Variants in CCDC50 observed in about 807,000 individuals in gnomAD.
CCDC50 encodes coiled-coil domain-containing protein 50.
A neutral mutation model predicts 70.2 loss-of-function variants in CCDC50; 54 were observed. That is an observed-to-expected ratio of 0.77 (90% CI 0.62 to 0.96). The LOEUF is 0.96. CCDC50 is among the 50% of genes least tolerant of loss of function. CCDC50 has a pLI of 0.00. For synonymous variants in CCDC50, 216 were observed against 198.8 expected, an observed-to-expected ratio of 1.09 and a Z score of -0.73; for missense variants, 558 against 578.7, an observed-to-expected ratio of 0.96 and a Z score of 0.37.
chr3:191,388,733 A>G (rs902306042), intron 10 of CCDC50, among the ~76,000 whole-genome samples: 6 of 152,216 alleles, frequency 3.9e-5, no homozygotes, highest in Non-Finnish European at 8.8e-5. Flanking sequence ...AATGGCCTAC[A>G]GTATGGTTAT....
At chr3:191,330,835 T>TA (rs1030978539) in intron 1 of CCDC50, among the ~76,000 whole-genome samples, 1 of 152,180 alleles carries the variant, frequency 6.6e-6, no homozygotes, top group Non-Finnish European at 1.5e-5. Flanking sequence ...TTTCAAGCAC[T>TA]AGGAGACTAG....
At chr3:191,369,869 T>C in intron 4 of CCDC50, 50 bp from the exon 5 acceptor site, 1 of 1,316,768 alleles carries the variant, frequency 7.6e-7, no homozygotes, top group Non-Finnish European at 1.1e-6. Flanking sequence ...CATATGGAGT[T>C]TGTTTGTTCT....
At position 191,396,311 on chromosome 3, in the gene CCDC50, C is replaced by G. The variant is rs1008049310; in HGVS notation, c.*4551C>G. 1 of 152,170 alleles carries G rather than the reference C, an allele frequency of 6.6e-6. No individual in the cohort carries two copies. The highest frequency in any genetic ancestry group is 2.4e-5 in the African/African-American group (1 of 41,444). 9.4% of individuals were successfully genotyped at this position (152,170 alleles called of 1,614,324 possible). On this transcript the variant is annotated 3_prime_UTR_variant, in exon 12 of 12. Transcript: ENST00000392455. ...GCTTTCCATTGAGATATAACATTCA[C>G]AGATGATCCCCAAGTATCCTTGTCA...
Position 191,380,936 on chromosome 3 carries a change from G to C in CCDC50, c.1242+4G>C. Reference sequence around the variant, plus strand: ...AAAGCAAGACCCCGAGTGGAAGGTAGAGTGTGTTTTGTTTGTTTTCTAATT... The same window carrying C: ...AAAGCAAGACCCCGAGTGGAAGGTACAGTGTGTTTTGTTTGTTTTCTAATT... On this transcript the variant is annotated splice_donor_region_variant and intron_variant, in intron 9 of 11. Coordinates refer to ENST00000392455, the MANE Select transcript of CCDC50 (RefSeq NM_178335.3). 6.2e-7 allele frequency: 1 copy of C among 1,608,956 alleles called. No homozygotes were observed. Among genetic ancestry groups the C allele is most frequent in the Non-Finnish European group, 8.5e-7 (1 of 1,176,634 alleles).
chr3:191,376,526 A>G (rs1014271681), intron 6 of CCDC50, among the ~76,000 whole-genome samples: 1 of 152,156 alleles, frequency 6.6e-6, no homozygotes, highest in Non-Finnish European at 1.5e-5. Flanking sequence ...GTCAAGCTCT[A>G]TCTGTGGTCA....
intron 1 of CCDC50, among the ~76,000 whole-genome samples, chr3:191,337,251 A>T (rs1711553687): frequency 6.6e-6 from 1 of 152,078 alleles, no homozygotes. Context: ...TGGACAGTTC[A>T]GTTATCGGTA....
chr3:191,357,299 C>A (rs1200996744), intron 2 of CCDC50, 149 bp downstream of exon 2: 1 of 704,508 alleles, frequency 1.4e-6, no homozygotes, highest in African/African-American at 1.8e-5. Flanking sequence ...GCAAATGATG[C>A]CTGGGTGATC....
At position 191,393,375 on chromosome 3, in the gene CCDC50, T is replaced by G. The variant is rs1321546536; in HGVS notation, c.*1615T>G. 6.6e-6 allele frequency: 1 copy of G among 152,200 alleles called. No homozygotes were observed. The highest frequency in any genetic ancestry group is 6.5e-5 in the Admixed American group (1 of 15,286). The allele number at this position is 152,200 out of a possible 1,614,324, so 9.4% of individuals were successfully genotyped here. On this transcript the variant is annotated 3_prime_UTR_variant, in exon 12 of 12. Transcript: ENST00000392455. ...TATGTAGGTCACTAGAGAAAAATGTTAATTTTTTTCCCACTGTGAATTGCC... is the reference window on the plus strand; with the variant it reads ...TATGTAGGTCACTAGAGAAAAATGTGAATTTTTTTCCCACTGTGAATTGCC...
chr3:191,373,989 C>T (rs1000863548), intron 5 of CCDC50, among the ~76,000 whole-genome samples: 6 of 152,104 alleles, frequency 3.9e-5, no homozygotes, highest in South Asian at 2.1e-4. Flanking sequence ...CATCAACTTA[C>T]GGTAGCTCTT....
chr3:191,350,644 G>A (rs1349480357), intron 1 of CCDC50, among the ~76,000 whole-genome samples: 1 of 141,484 alleles, frequency 7.1e-6, no homozygotes, highest in African/African-American at 2.5e-5. Flanking sequence ...CACATTATTT[G>A]GATAATGTGT....
intron 1 of CCDC50, among the ~76,000 whole-genome samples, chr3:191,335,458 A>G (rs956661147): frequency 3.9e-4 from 59 of 152,340 alleles, no homozygotes; most frequent in African/African-American, 1.4e-3. Context: ...ATTAGTTTTT[A>G]TATTTAGAAG....
chr3:191,350,690 T>C lies in CCDC50; in HGVS notation c.50-6398T>C, dbSNP rs1712078779. Among the ~76,000 whole-genome samples, 2 of 141,566 alleles carry C rather than the reference T, an allele frequency of 1.4e-5. 1 individual carries two copies. Among genetic ancestry groups the C allele is most frequent in the Non-Finnish European group, 3.2e-5 (2 of 62,818 alleles). The allele number at this position is 141,566 out of a possible 152,430, so 92.9% of individuals were successfully genotyped here. ...TGTAGCCGTTCATGGAATCAGAAAA[T>C]TCTGGCTTTGGTTGAAATGGGGTGA... On this transcript the variant is annotated intron_variant, in intron 1 of 11. Transcript: ENST00000392455.
intron 1 of CCDC50, among the ~76,000 whole-genome samples, chr3:191,331,556 C>G (rs764167725): frequency 6.6e-6 from 1 of 152,098 alleles, no homozygotes; most frequent in Non-Finnish European, 1.5e-5. Context: ...CAGTGTGGCT[C>G]TTTCATTAAG....
At chr3:191,348,758 T>G (rs1315770818) in intron 1 of CCDC50, among the ~76,000 whole-genome samples, 1 of 142,328 alleles carries the variant, frequency 7.0e-6, no homozygotes, top group African/African-American at 2.5e-5. Flanking sequence ...CAGCCAAAAT[T>G]AGATGCCACT....
At chr3:191,368,815 T>C (rs1576965071) in intron 4 of CCDC50, among the ~76,000 whole-genome samples, 2 of 152,170 alleles carry the variant, frequency 1.3e-5, no homozygotes, top group African/African-American at 4.8e-5. Context: ...TTTAAGAATC[T>C]GATGATAGCT....
Position 191,329,463 on chromosome 3 carries a change from G to T in CCDC50, c.-212G>T. On this transcript the variant is annotated 5_prime_UTR_variant, in exon 1 of 12. Transcript: ENST00000392455. The stretch of plus-strand genomic sequence containing the variant: ...CGGAGCAGGTGGCCGCGGCGGGGCA[G>T]CTGGGCCGCCAGCTTGGTGCCTCGG... 2.1e-6 allele frequency: 1 copy of T among 474,286 alleles called. No homozygotes were observed. Among genetic ancestry groups the T allele is most frequent in the Non-Finnish European group, 3.7e-6 (1 of 270,982 alleles). The allele number at this position is 474,286 out of a possible 1,614,324, so 29.4% of individuals were successfully genotyped here.
At chr3:191,342,506 T>C (rs1346215066) in intron 1 of CCDC50, among the ~76,000 whole-genome samples, 1 of 152,214 alleles carries the variant, frequency 6.6e-6, no homozygotes, top group Non-Finnish European at 1.5e-5. Context: ...TCTTTTGTCA[T>C]ATGAAGCCAA....
intron 10 of CCDC50, among the ~76,000 whole-genome samples, chr3:191,387,615 A>T (rs926464679): frequency 4.0e-5 from 6 of 148,892 alleles, no homozygotes; most frequent in Admixed American, 4.0e-4. Context: ...TACTCTTAAG[A>T]AGTACTTAAG....
chr3:191,392,310 G>A lies in CCDC50; in HGVS notation c.*550G>A, dbSNP rs1466578067. 6.4e-6 allele frequency: 1 copy of A among 155,216 alleles called. No individual in the cohort carries two copies. The highest frequency in any genetic ancestry group is 1.4e-5 in the Non-Finnish European group (1 of 69,960). 9.6% of individuals were successfully genotyped at this position (155,216 alleles called of 1,614,324 possible). On this transcript the variant is annotated 3_prime_UTR_variant, in exon 12 of 12. Coordinates refer to ENST00000392455, the MANE Select transcript of CCDC50 (RefSeq NM_178335.3). ...TGTTATTCTGACTAGATGGACTGTA[G>A]AGGTTTTGCATTTCTCAGCCCTCCT...
Sources: gnomAD v4.1 joint callset for allele counts (sites outside exome capture counted in the v4.1 genomes callset) on GRCh38, gnomAD v4.1.1 for gene constraint, MANE v1.5 for transcripts, NCBI Gene and HGNC (gene_info 2026-07-23, HGNC 2026-07-21) for gene names.